RBFOX2: variants seen among roughly 807,000 people sequenced by gnomAD.
RBFOX2 encodes the protein RNA binding fox-1 homolog 2.
A neutral mutation model predicts 49.1 loss-of-function variants in RBFOX2; 10 were observed. The ratio of observed to expected loss-of-function variants is 0.20; its 90% CI spans 0.13 to 0.35. The LOEUF (loss-of-function observed/expected upper bound fraction) is 0.35. Ranked by LOEUF, RBFOX2 falls within the 10% of genes least tolerant of loss-of-function variation. RBFOX2 has a pLI of 1.00. For missense variants in RBFOX2, 323 were observed against 486.9 expected (o/e 0.66, Z 3.17); for synonymous variants, 183 against 187.4 (o/e 0.98, Z 0.19).
At chr22:35,945,872 T>A (rs1325899073) in intron 1 of RBFOX2, among the ~76,000 whole-genome samples, 2 of 152,162 alleles carry the variant, frequency 1.3e-5, no homozygotes, top group Non-Finnish European at 2.9e-5. Flanking sequence ...GGTCCCAACA[T>A]GAGGTCCAAC....
intron 1 of RBFOX2, among the ~76,000 whole-genome samples, chr22:35,990,362 C>T (rs1470516448): frequency 9.2e-5 from 14 of 151,886 alleles, no homozygotes; most frequent in Admixed American, 7.9e-4. Flanking sequence ...AAGAGAAGGA[C>T]GACAAAGTCG....
chr22:36,016,631 G>T (rs560548872), intron 1 of RBFOX2, among the ~76,000 whole-genome samples: 1 of 152,270 alleles, frequency 6.6e-6, no homozygotes, highest in South Asian at 2.1e-4. Flanking sequence ...TGTTACCTGG[G>T]GACCTAAGTC....
chr22:35,978,932 T>C (rs931029374), intron 1 of RBFOX2, among the ~76,000 whole-genome samples: 13 of 152,150 alleles, frequency 8.5e-5, no homozygotes, highest in African/African-American at 3.1e-4. Context: ...AGGAACAGGA[T>C]AGTAGTATAA....
chr22:35,752,801 T>C (rs191876278), intron 9 of RBFOX2: 14 of 253,808 alleles, frequency 5.5e-5, no homozygotes, highest in Non-Finnish European at 8.1e-5. Flanking sequence ...TAGGAGCAGT[T>C]TGTTAACCCA....
intron 1 of RBFOX2, among the ~76,000 whole-genome samples, chr22:35,917,598 T>G (rs779598106): frequency 3.9e-5 from 6 of 152,138 alleles, no homozygotes; most frequent in African/African-American, 1.4e-4. Context: ...TTTTAGCAAA[T>G]AGACATGGGG....
chr22:35,882,964 T>C (rs2046111711), intron 1 of RBFOX2, among the ~76,000 whole-genome samples: 1 of 152,204 alleles, frequency 6.6e-6, no homozygotes, highest in Non-Finnish European at 1.5e-5. Context: ...TAACTTTTTC[T>C]ACAAAAGAAA....
At chr22:35,795,329 C>T (rs942064480) in intron 2 of RBFOX2, among the ~76,000 whole-genome samples, 3 of 151,990 alleles carry the variant, frequency 2.0e-5, no homozygotes, top group Non-Finnish European at 4.4e-5. Flanking sequence ...CTACATCTAG[C>T]CTGGAAACAG....
chr22:36,000,022 T>TG (rs2058351734), intron 1 of RBFOX2: 1 of 144,816 alleles, frequency 6.9e-6, no homozygotes, highest in East Asian at 2.0e-4. Flanking sequence ...TTTTTTGAGA[T>TG]GGAGTCTCAC....
At chr22:35,746,231 A>C (rs918277919) in intron 10 of RBFOX2, among the ~76,000 whole-genome samples, 2 of 152,228 alleles carry the variant, frequency 1.3e-5, no homozygotes, top group African/African-American at 4.8e-5. Flanking sequence ...TGAGGAAGAG[A>C]GGGACTGGAG....
At chr22:36,016,261 C>G (rs2059031620) in intron 1 of RBFOX2, among the ~76,000 whole-genome samples, 1 of 152,076 alleles carries the variant, frequency 6.6e-6, no homozygotes, top group African/African-American at 2.4e-5. Context: ...CAAAAGTATT[C>G]CAACTCAAGC....
At chr22:35,977,127 G>A (rs530971788) in intron 1 of RBFOX2, among the ~76,000 whole-genome samples, 8 of 152,078 alleles carry the variant, frequency 5.3e-5, no homozygotes, top group South Asian at 2.1e-4. Context: ...TTGAAGCCAC[G>A]AAGAGATATC....
At chr22:35,989,849 A>G (rs1569519729) in intron 1 of RBFOX2, among the ~76,000 whole-genome samples, 1 of 152,124 alleles carries the variant, frequency 6.6e-6, no homozygotes, top group African/African-American at 2.4e-5. Flanking sequence ...AGGGATGTTT[A>G]AACAGCCACT....
intron 1 of RBFOX2, among the ~76,000 whole-genome samples, chr22:35,864,526 A>G (rs1311875661): frequency 6.6e-6 from 1 of 152,202 alleles, no homozygotes; most frequent in Admixed American, 6.6e-5. Flanking sequence ...TCAATCAATA[A>G]AAGTTTTGAT....
chr22:35,869,578 C>G (rs981839737), intron 1 of RBFOX2, among the ~76,000 whole-genome samples: 9 of 149,630 alleles, frequency 6.0e-5, no homozygotes, highest in African/African-American at 2.2e-4. Context: ...CCCACTTCAG[C>G]TTCTGAAAGT....
At chr22:35,948,102 T>C (rs1041917610) in intron 1 of RBFOX2, among the ~76,000 whole-genome samples, 2 of 152,216 alleles carry the variant, frequency 1.3e-5, no homozygotes, top group Admixed American at 6.5e-5. Context: ...TTAGATAAAT[T>C]AGATACATTA....
chr22:35,752,286 T>TA (rs1171936342), intron 9 of RBFOX2, among the ~76,000 whole-genome samples: 2 of 152,082 alleles, frequency 1.3e-5, no homozygotes, highest in Admixed American at 6.5e-5. Context: ...GATCTAAATA[T>TA]AAAAAAACAG....
intron 9 of RBFOX2, chr22:35,750,434 T>C: frequency 6.2e-7 from 1 of 1,603,660 alleles, no homozygotes; most frequent in Non-Finnish European, 8.5e-7. Flanking sequence ...ACCTGTTTGA[T>C]CTGAAGCAGT....
At chr22:36,019,850 C>T (rs2059174757) in intron 1 of RBFOX2, among the ~76,000 whole-genome samples, 1 of 152,030 alleles carries the variant, frequency 6.6e-6, no homozygotes, top group African/African-American at 2.4e-5. Flanking sequence ...CAATGCCATC[C>T]CCATCAAGCT....
intron 1 of RBFOX2, among the ~76,000 whole-genome samples, chr22:36,021,199 G>A (rs1040960318): frequency 3.0e-5 from 4 of 132,966 alleles, no homozygotes; most frequent in Middle Eastern, 4.5e-3. Flanking sequence ...TAAACAATGA[G>A]AACACTTGGA....
Sources: allele counts gnomAD v4.1 joint callset (sites outside exome capture counted in the v4.1 genomes callset), GRCh38; gene constraint gnomAD v4.1.1; transcripts MANE v1.5; gene names NCBI Gene and HGNC (gene_info 2026-07-23, HGNC 2026-07-21).